PON3: variants seen among roughly 807,000 people sequenced by gnomAD.
The protein encoded by PON3 is serum paraoxonase/lactonase 3.
Under a neutral mutation model 36.3 loss-of-function variants are expected in PON3, and 37 were observed. The ratio of observed to expected loss-of-function variants is 1.02; its 90% CI spans 0.78 to 1.34. The LOEUF (loss-of-function observed/expected upper bound fraction) is 1.34, where lower values mean the gene tolerates loss of function less well. Among genes scored for constraint, PON3 ranks in the 40% most tolerant of loss-of-function variants. The pLI, the probability that PON3 is intolerant of heterozygous loss-of-function variation, is 0.00. For missense variants in PON3, 415 were observed against 426.5 expected, an observed-to-expected ratio of 0.97 and a Z score of 0.24; for synonymous variants, 155 against 154.8, an observed-to-expected ratio of 1.00 and a Z score of -0.01.
At chr7:95,368,837 A>G (rs1488967529) in intron 4 of PON3, among the ~76,000 whole-genome samples, 2 of 151,832 alleles carry the variant, frequency 1.3e-5, no homozygotes, top group Non-Finnish European at 2.9e-5. Context: ...AAGAAAGAAA[A>G]AAAGCCCCAA....
At chr7:95,392,217 T>G (rs1294663297) in intron 2 of PON3, among the ~76,000 whole-genome samples, 1 of 152,254 alleles carries the variant, frequency 6.6e-6, no homozygotes, top group Admixed American at 6.5e-5. Flanking sequence ...CATTCTAACT[T>G]GTTTAGTTCA....
chr7:95,369,569 G>A (rs1808765319), intron 4 of PON3, among the ~76,000 whole-genome samples: 2 of 152,138 alleles, frequency 1.3e-5, no homozygotes, highest in East Asian at 3.9e-4. Context: ...GAGGTCAGAA[G>A]TTCGAGACCA....
chr7:95,367,258 C>T, intron 5 of PON3, 104 bp downstream of exon 5: 1 of 1,424,374 alleles, frequency 7.0e-7, no homozygotes, highest in Non-Finnish European at 9.7e-7. Flanking sequence ...AAAATCAAAA[C>T]AATTTCAAAA....
intron 3 of PON3, among the ~76,000 whole-genome samples, chr7:95,388,484 G>A (rs1809250374): frequency 6.6e-6 from 1 of 152,226 alleles, no homozygotes; most frequent in African/African-American, 2.4e-5. Flanking sequence ...CTTTTACACT[G>A]TTGGTGGGAG....
intron 4 of PON3, among the ~76,000 whole-genome samples, chr7:95,369,201 T>C (rs947078119): frequency 2.0e-5 from 3 of 152,206 alleles, no homozygotes; most frequent in Non-Finnish European, 2.9e-5. Flanking sequence ...TCATTTGATA[T>C]GTGTTCATAG....
intron 1 of PON3, 120 bp from the exon 2 acceptor site, chr7:95,394,834 A>G (rs1163855553): frequency 4.6e-5 from 37 of 812,722 alleles, no homozygotes; most frequent in Non-Finnish European, 7.2e-5. Flanking sequence ...TATGAATGAC[A>G]TAACAAGTAA....
At chr7:95,360,726 T>C (rs1268539837) in intron 8 of PON3, among the ~76,000 whole-genome samples, 6 of 152,200 alleles carry the variant, frequency 3.9e-5, no homozygotes, top group African/African-American at 1.2e-4. Flanking sequence ...GGCTTCCAAA[T>C]AGGCTGGATG....
chr7:95,376,166 A>G (rs1019340329), intron 3 of PON3, among the ~76,000 whole-genome samples: 1 of 152,218 alleles, frequency 6.6e-6, no homozygotes, highest in Non-Finnish European at 1.5e-5. Context: ...ACCTCACCCC[A>G]CAAGAGAGTG....
At chr7:95,387,226 T>C (rs2116417519) in intron 3 of PON3, among the ~76,000 whole-genome samples, 1 of 152,298 alleles carries the variant, frequency 6.6e-6, no homozygotes, top group Non-Finnish European at 1.5e-5. Flanking sequence ...TGATTGTATA[T>C]TTAGAAAATC....
chr7:95,392,341 T>C (rs529580227), intron 2 of PON3, among the ~76,000 whole-genome samples: 4 of 152,182 alleles, frequency 2.6e-5, no homozygotes, highest in Non-Finnish European at 4.4e-5. Context: ...ATCAGAACAT[T>C]GACCTAAGAC....
intron 3 of PON3, among the ~76,000 whole-genome samples, chr7:95,389,402 T>C (rs1452992909): frequency 6.6e-6 from 1 of 152,222 alleles, no homozygotes; most frequent in East Asian, 1.9e-4. Flanking sequence ...CCAAATGGAA[T>C]ATTAGACATC....
At chr7:95,379,989 C>T (rs1416317034) in intron 3 of PON3, among the ~76,000 whole-genome samples, 1 of 152,176 alleles carries the variant, frequency 6.6e-6, no homozygotes, top group Non-Finnish European at 1.5e-5. Context: ...TGGCCAGGTA[C>T]CCCTCTGAGA....
rs1182777711 is a variant in PON3 at position 95,396,269 on chromosome 7, C to T, written c.74+8G>A. On this transcript the variant is annotated splice_region_variant and intron_variant, in intron 1 of 8. Transcript: ENST00000265627. Reference sequence around the variant, plus strand: ...GAGTCGAAGACGCCCTGTCAAGATGCCACTCACCTAAACGCCAGGAACATC... The same window carrying T: ...GAGTCGAAGACGCCCTGTCAAGATGTCACTCACCTAAACGCCAGGAACATC... 6.2e-7 allele frequency: 1 copy of T among 1,613,884 alleles called. No homozygotes were observed. The highest frequency in any genetic ancestry group is 2.2e-5 in the East Asian group (1 of 44,830).
chr7:95,380,250 G>GA (rs149443859), intron 3 of PON3, among the ~76,000 whole-genome samples: 11 of 152,096 alleles, frequency 7.2e-5, no homozygotes, highest in Admixed American at 2.0e-4. Flanking sequence ...CAAAGATGGG[G>GA]AAAAAACAGA....
chr7:95,361,746 T>C (rs1808573539), intron 8 of PON3, among the ~76,000 whole-genome samples: 1 of 152,196 alleles, frequency 6.6e-6, no homozygotes, highest in Non-Finnish European at 1.5e-5. Context: ...TTTATAGCTA[T>C]ATATAAATTC....
At position 95,396,300 on chromosome 7, in the gene PON3, G is replaced by T; in HGVS notation, c.51C>A (p.Val17=). ...LVLLGVGLSL[V]GEMFLAFRER... is the part of the protein sequence containing the mutation. ...ACCTAAACGCCAGGAACATCTCCCC[G>T]ACTAAGGACAGGCCGACCCCCAGCA... The change falls in exon 1 of 9, where the codon GTC becomes GTA. Residue 17 remains valine, a synonymous_variant. Transcript: ENST00000265627. The T allele has an allele frequency of 1.2e-6, 2 of 1,613,904 alleles. No homozygotes were observed. The highest frequency in any genetic ancestry group is 8.5e-7 in the Non-Finnish European group (1 of 1,179,942).
chr7:95,371,938 A>G (rs546180533), intron 4 of PON3, among the ~76,000 whole-genome samples: 22 of 152,286 alleles, frequency 1.4e-4, no homozygotes, highest in African/African-American at 5.1e-4. Context: ...ACAGTCAAAC[A>G]AGAAGACAAG....
rs752781682 is a variant in PON3, at chr7:95,394,656, TA to T, written c.132del (p.Ile45LeufsTer25). The part of the protein sequence containing the change: ...VEPVEPENCH[L>X]IEELESGSED... The stretch of plus-strand genomic sequence containing the variant: ...GTCACATACATACCAAGTTCCTCAA[TA>T]AGGTGGCAGTTTTCAGGTTCTACTG... On this transcript the variant is annotated frameshift_variant, in exon 2 of 9. Transcript: ENST00000265627. LOFTEE classifies it high-confidence loss of function. 6.2e-7 allele frequency: 1 copy of T among 1,614,042 alleles called. No homozygotes were observed. Among genetic ancestry groups the T allele is most frequent in the Non-Finnish European group, 8.5e-7 (1 of 1,179,948 alleles).
At chr7:95,389,614 G>T (rs1196838321) in intron 3 of PON3, among the ~76,000 whole-genome samples, 1 of 152,092 alleles carries the variant, frequency 6.6e-6, no homozygotes, top group African/African-American at 2.4e-5. Context: ...AGACAGTACT[G>T]GGAATTAAAA....
Sources: allele counts gnomAD v4.1 joint callset (sites outside exome capture counted in the v4.1 genomes callset), GRCh38; gene constraint gnomAD v4.1.1; transcripts MANE v1.5; gene names NCBI Gene and HGNC (gene_info 2026-07-23, HGNC 2026-07-21).